The following PDGFRA variants were observed in gnomAD, a reference collection of about 807,000 sequenced individuals.
PDGFRA encodes the protein platelet-derived growth factor receptor alpha.
Under a neutral mutation model 121.5 loss-of-function variants are expected in PDGFRA, and 25 were observed. The ratio of observed to expected loss-of-function variants is 0.21; its 90% CI spans 0.15 to 0.29. The LOEUF is 0.29. Ranked by LOEUF, PDGFRA falls within the 10% of genes least tolerant of loss-of-function variation. PDGFRA has a pLI of 1.00. For missense variants in PDGFRA, 1,008 were observed against 1,345.1 expected (o/e 0.75, Z 3.92); for synonymous variants, 463 against 494.8 (o/e 0.94, Z 0.85).
chr4:54,229,478 T>C (rs2110158537), intron 1 of PDGFRA, 63 bp downstream of exon 1: 1 of 392,306 alleles, frequency 2.5e-6, no homozygotes, highest in East Asian at 3.6e-5. Flanking sequence ...ACTCTGGGAC[T>C]GGAGAAAGCG....
At chr4:54,255,008 A>G (rs924998292) in intron 1 of PDGFRA, among the ~76,000 whole-genome samples, 5 of 152,142 alleles carry the variant, frequency 3.3e-5, no homozygotes, top group African/African-American at 9.7e-5. Flanking sequence ...GACATGGCTA[A>G]AACACTGACC....
rs1723448678 is a variant in PDGFRA, at chr4:54,272,379, T to C, written c.1238-15T>C. Reference sequence around the variant, plus strand: ...CACGAGCTATTCCATTCTGACTTCTTTCTGCCTCTTGCAGTTCCTTCATCC... The same window carrying C: ...CACGAGCTATTCCATTCTGACTTCTCTCTGCCTCTTGCAGTTCCTTCATCC... On this transcript the variant is annotated splice_polypyrimidine_tract_variant and intron_variant, in intron 8 of 22. Transcript: ENST00000257290. 2 of 1,613,970 alleles carry C rather than the reference T, an allele frequency of 1.2e-6. No individual in the cohort carries two copies. The highest frequency in any genetic ancestry group is 1.7e-6 in the Non-Finnish European group (2 of 1,179,960).
chr4:54,289,829 CCT>C (rs1260645821), intron 21 of PDGFRA, among the ~76,000 whole-genome samples: 1 of 152,140 alleles, frequency 6.6e-6, no homozygotes, highest in East Asian at 1.9e-4. Flanking sequence ...GGAAATTAAC[CCT>C]CAGTTGGTCA....
At chr4:54,240,436 G>T (rs116157462) in intron 1 of PDGFRA, among the ~76,000 whole-genome samples, 2,126 of 152,264 alleles carry the variant, frequency 0.014, 48 homozygotes, top group African/African-American at 0.047. Context: ...TGATACTCTG[G>T]GCTTTTCGGC....
At position 54,296,098 on chromosome 4, in the gene PDGFRA, G is replaced by A; in HGVS notation, c.*826G>A. ...TCTATAAAGTATGGTAATAGCTTTA[G>A]TGAATTAAATTTAGTTGAGCATAGA... On this transcript the variant is annotated 3_prime_UTR_variant, in exon 23 of 23. Transcript: ENST00000257290. 1.3e-5 allele frequency: 3 copies of A among 232,794 alleles called. No individual in the cohort carries two copies. The highest frequency in any genetic ancestry group is 2.6e-5 in the Non-Finnish European group (3 of 117,562). 14.4% of individuals were successfully genotyped at this position (232,794 alleles called of 1,614,324 possible).
Position 54,297,225 on chromosome 4 carries a change from A to G in PDGFRA, c.*1953A>G, listed in dbSNP as rs1724920389. On this transcript the variant is annotated 3_prime_UTR_variant, in exon 23 of 23. Coordinates refer to ENST00000257290, the MANE Select transcript of PDGFRA (RefSeq NM_006206.6). ...GCAATACTGCTTAATTGCTGATACC[A>G]TATGAATGAAACATGGGCTGTGATT... 4.3e-6 allele frequency: 1 copy of G among 233,622 alleles called. No homozygotes were observed. Among genetic ancestry groups the G allele is most frequent in the Admixed American group, 5.6e-5 (1 of 17,784 alleles). The allele number at this position is 233,622 out of a possible 1,614,324, so 14.5% of individuals were successfully genotyped here. A position where few individuals can be genotyped will look rare whatever the true frequency, so the allele number is the denominator to read the frequency against.
chr4:54,237,631 G>A (rs1260571069), intron 1 of PDGFRA, among the ~76,000 whole-genome samples: 1 of 152,208 alleles, frequency 6.6e-6, no homozygotes, highest in Admixed American at 6.5e-5. Flanking sequence ...TGGCTCTGGG[G>A]CCCACTGTGC....
At chr4:54,239,530 C>T (rs572481078) in intron 1 of PDGFRA, among the ~76,000 whole-genome samples, 17 of 152,318 alleles carry the variant, frequency 1.1e-4, no homozygotes, top group African/African-American at 2.6e-4. Flanking sequence ...GGTAACCTCC[C>T]GTTGACTTTA....
chr4:54,279,916 A>C (rs1169313997), intron 15 of PDGFRA, among the ~76,000 whole-genome samples: 2 of 151,846 alleles, frequency 1.3e-5, no homozygotes, highest in African/African-American at 4.8e-5. Context: ...ATATATATAT[A>C]TATATATGCA....
chr4:54,279,510 G>T (rs956284527), intron 15 of PDGFRA, among the ~76,000 whole-genome samples: 2 of 152,258 alleles, frequency 1.3e-5, no homozygotes, highest in Admixed American at 6.5e-5. Flanking sequence ...GAGTTGATCT[G>T]TGTATTTATT....
intron 1 of PDGFRA, among the ~76,000 whole-genome samples, chr4:54,253,104 G>A (rs1226566664): frequency 2.6e-5 from 4 of 152,138 alleles, no homozygotes; most frequent in Non-Finnish European, 4.4e-5. Context: ...GACTGCTGGT[G>A]TGGGCTAAAT....
At chr4:54,262,790 C>T (rs1722823182) in intron 3 of PDGFRA, among the ~76,000 whole-genome samples, 1 of 152,110 alleles carries the variant, frequency 6.6e-6, no homozygotes, top group Non-Finnish European at 1.5e-5. Context: ...AGGGATTTTC[C>T]CCTGCTGTGA....
chr4:54,285,771 G>A (rs1724324133), intron 17 of PDGFRA, 70 bp from the exon 18 acceptor site: 3 of 1,501,492 alleles, frequency 2.0e-6, no homozygotes, highest in Admixed American at 3.7e-5. Flanking sequence ...GGATCAGCCA[G>A]TCTTGCAGGG....
intron 1 of PDGFRA, among the ~76,000 whole-genome samples, chr4:54,247,984 T>G (rs1721796564): frequency 6.6e-6 from 1 of 151,928 alleles, no homozygotes; most frequent in Admixed American, 6.6e-5. Flanking sequence ...TCAAAGAGAA[T>G]AAAATACCTA....
chr4:54,265,381 TTAC>T (rs1389794335), intron 5 of PDGFRA: 2 of 336,872 alleles, frequency 5.9e-6, no homozygotes, highest in Non-Finnish European at 1.2e-5. Context: ...CCACTGGATT[TTAC>T]TATTGCGGAG....
intron 1 of PDGFRA, among the ~76,000 whole-genome samples, chr4:54,250,128 C>CT (rs1265047243): frequency 6.6e-6 from 1 of 151,982 alleles, no homozygotes; most frequent in Non-Finnish European, 1.5e-5. Flanking sequence ...TTTAAATAAA[C>CT]TATAGGAAAA....
Position 54,229,387 on chromosome 4 carries a change from T to C in PDGFRA, c.-41T>C, listed in dbSNP as rs1577659566. ...CGCTCTTTACTCCATGTGTGGGACA[T>C]TCATTGCGGAATAACATCGGAGGAG... On this transcript the variant is annotated 5_prime_UTR_variant, in exon 1 of 23. Coordinates refer to ENST00000257290, the MANE Select transcript of PDGFRA (RefSeq NM_006206.6). 6 of 398,508 alleles carry C rather than the reference T, an allele frequency of 1.5e-5. No homozygotes were observed. The highest frequency in any genetic ancestry group is 2.7e-5 in the Non-Finnish European group (6 of 226,060). 24.7% of individuals were successfully genotyped at this position (398,508 alleles called of 1,614,324 possible).
rs61735625 is a variant in PDGFRA, at chr4:54,280,462, A to T, written c.2303A>T (p.Tyr768Phe). The T allele has an allele frequency of 6.2e-7, 1 of 1,613,560 alleles. No homozygotes were observed. ...TCACTCTATGATCGTCCAGCCTCAT[A>T]TAAGAAGAAATCTATGTTAGGTAAA... ...QRSLYDRPASYKKKSMLDSEV... is the reference protein window; with the variant it reads ...QRSLYDRPASFKKKSMLDSEV... Residue 768 changes from tyrosine to phenylalanine, a missense_variant, in exon 16 of 23, where the codon TAT (tyrosine) becomes TTT (phenylalanine). Tyr to Phe is a conservative substitution (Grantham distance 22). Coordinates refer to ENST00000257290, the MANE Select transcript of PDGFRA (RefSeq NM_006206.6).
rs1214891659 is a variant in PDGFRA at position 54,265,061 on chromosome 4, C to G, written c.759+12C>G. 6.2e-7 allele frequency: 1 copy of G among 1,613,232 alleles called. No individual in the cohort carries two copies. Among genetic ancestry groups the G allele is most frequent in the East Asian group, 2.2e-5 (1 of 44,868 alleles). Reference sequence around the variant, plus strand: ...ACCCTGGAGAAGTGGTAGGTACCCTCAAAACGTGCAATGGCTTGGAGCAGA... The same window carrying G: ...ACCCTGGAGAAGTGGTAGGTACCCTGAAAACGTGCAATGGCTTGGAGCAGA... On this transcript the variant is annotated intron_variant, in intron 5 of 22. Coordinates refer to ENST00000257290, the MANE Select transcript of PDGFRA (RefSeq NM_006206.6).
Sources: gnomAD v4.1 joint callset for allele counts (sites outside exome capture counted in the v4.1 genomes callset) on GRCh38, gnomAD v4.1.1 for gene constraint, MANE v1.5 for transcripts, NCBI Gene and HGNC (gene_info 2026-07-23, HGNC 2026-07-21) for gene names.